Variants in NRG1 observed in about 807,000 individuals in gnomAD.
NRG1 encodes the protein pro-neuregulin-1, membrane-bound isoform.
Under a neutral mutation model 63.8 loss-of-function variants are expected in NRG1, and 18 were observed. The ratio of observed to expected loss-of-function variants is 0.28; its 90% CI spans 0.19 to 0.42. The LOEUF (loss-of-function observed/expected upper bound fraction) is 0.42, where lower values mean the gene tolerates loss of function less well. Among genes scored for constraint, NRG1 ranks in the 10% least tolerant of loss-of-function variants. NRG1 has a pLI of 1.00. For synonymous variants in NRG1, 302 were observed against 301.3 expected, an observed-to-expected ratio of 1.00 and a Z score of -0.02; for missense variants, 762 against 814.7, an observed-to-expected ratio of 0.94 and a Z score of 0.79.
At chr8:31,969,061 G>A (rs563616783) in intron 1 of NRG1, among the ~76,000 whole-genome samples, 7 of 152,186 alleles carry the variant, frequency 4.6e-5, no homozygotes, top group Non-Finnish European at 8.8e-5. Flanking sequence ...CCAGTGAGTT[G>A]ATTGCAGCCC....
intron 1 of NRG1, among the ~76,000 whole-genome samples, chr8:32,307,586 GGTTTGTGTGTGTGTGT>G (rs1346194654): frequency 9.2e-5 from 10 of 108,986 alleles, no homozygotes; most frequent in South Asian, 8.4e-4. Context: ...GTCACCCAGG[GGTTTGTGTGTGTGTGT>G]GTGTGTGTGT....
intron 1 of NRG1, among the ~76,000 whole-genome samples, chr8:31,799,431 C>T (rs1821537129): frequency 6.6e-6 from 1 of 151,920 alleles, no homozygotes; most frequent in Non-Finnish European, 1.5e-5. Context: ...AATAAATTCT[C>T]ATAATGAAAA....
intron 1 of NRG1, among the ~76,000 whole-genome samples, chr8:31,932,869 C>T (rs931392356): frequency 6.6e-5 from 10 of 152,036 alleles, no homozygotes; most frequent in Admixed American, 1.3e-4. Flanking sequence ...CATATAATTC[C>T]GAATCACTTG....
intron 1 of NRG1, among the ~76,000 whole-genome samples, chr8:32,384,780 C>T (rs1483897379): frequency 6.6e-6 from 1 of 152,152 alleles, no homozygotes. Flanking sequence ...GTTTTGCCTA[C>T]GTGTAAATCT....
chr8:32,139,120 T>C (rs1281424810), intron 1 of NRG1: 1 of 152,224 alleles, frequency 6.6e-6, no homozygotes, highest in Non-Finnish European at 1.5e-5. Flanking sequence ...AGTACCCAGA[T>C]ACATGCAGAG....
intron 1 of NRG1, among the ~76,000 whole-genome samples, chr8:31,850,781 T>C (rs1827133767): frequency 6.6e-6 from 1 of 152,226 alleles, no homozygotes; most frequent in South Asian, 2.1e-4. Context: ...AAAGTGAGTC[T>C]GCACTCTCTC....
chr8:32,130,107 A>G (rs1834613504), intron 1 of NRG1, among the ~76,000 whole-genome samples: 1 of 151,908 alleles, frequency 6.6e-6, no homozygotes, highest in African/African-American at 2.4e-5. Flanking sequence ...CAGATTTCCA[A>G]ATTAAGGAGA....
At chr8:32,436,008 A>C (rs1410360642) in intron 1 of NRG1, among the ~76,000 whole-genome samples, 1 of 152,178 alleles carries the variant, frequency 6.6e-6, no homozygotes, top group Non-Finnish European at 1.5e-5. Context: ...AACCTTATAC[A>C]TTCACCAGGA....
intron 1 of NRG1, among the ~76,000 whole-genome samples, chr8:31,732,232 A>G (rs941646310): frequency 5.3e-5 from 8 of 152,250 alleles, no homozygotes; most frequent in South Asian, 4.2e-4. Flanking sequence ...CGATTAGACA[A>G]TGCTTTGCCT....
chr8:32,530,353 C>T (rs1486338690), intron 1 of NRG1, among the ~76,000 whole-genome samples: 2 of 152,024 alleles, frequency 1.3e-5, no homozygotes, highest in East Asian at 1.9e-4. Context: ...GTGATCCGCC[C>T]GCCTCGGCCT....
In NRG1 at chr8:31,986,063, C is replaced by T. The variant is rs546653158; in HGVS notation, c.37+346632C>T. On this transcript the variant is annotated intron_variant, in intron 1 of 10. Coordinates refer to the NRG1 transcript ENST00000519301. The stretch of plus-strand genomic sequence containing the variant: ...CGAATCATTTGCTGTCTTGGTTTCA[C>T]TTCTATGAAATATTCTAGAGCAAAT... 3.9e-5 allele frequency among the ~76,000 whole-genome samples: 6 copies of T among 152,144 alleles called. No individual in the cohort carries two copies. The South Asian group carries it at 1.2e-3, about 31-fold the overall frequency.
At chr8:31,845,124 A>C (rs1485756132) in intron 1 of NRG1, among the ~76,000 whole-genome samples, 1 of 151,678 alleles carries the variant, frequency 6.6e-6, no homozygotes, top group Non-Finnish European at 1.5e-5. Context: ...TAAATAAATA[A>C]ATAAATAAAT....
chr8:32,045,467 T>C (rs566476489), intron 1 of NRG1, among the ~76,000 whole-genome samples: 54 of 152,066 alleles, frequency 3.6e-4, no homozygotes, highest in African/African-American at 1.3e-3. Flanking sequence ...TTTGTAGATA[T>C]AGACAAGCTA....
intron 1 of NRG1, among the ~76,000 whole-genome samples, chr8:31,728,641 C>A (rs1202052555): frequency 1.3e-5 from 2 of 152,134 alleles, no homozygotes; most frequent in Non-Finnish European, 2.9e-5. Flanking sequence ...CAATTCACTG[C>A]TGCATGCTAA....
rs551647405 is a variant in NRG1 at position 31,970,573 on chromosome 8, C to T, written c.37+331142C>T. Among the ~76,000 whole-genome samples, 18 of 152,190 alleles carry T rather than the reference C, an allele frequency of 1.2e-4. No homozygotes were observed. The South Asian group carries it at 3.7e-3, about 32-fold the overall frequency. On this transcript the variant is annotated intron_variant, in intron 1 of 10. Coordinates refer to the NRG1 transcript ENST00000519301. ...GCAAAAGTCACATGAGCTTACAGCA[C>T]CCTGTGCAGTCAAACTCTCAACTTC...
chr8:32,255,623 C>G (rs373750004), intron 1 of NRG1, among the ~76,000 whole-genome samples: 4 of 152,222 alleles, frequency 2.6e-5, no homozygotes, highest in African/African-American at 9.6e-5. Context: ...TGACCTTTCT[C>G]TCTGGCTGCC....
intron 1 of NRG1, among the ~76,000 whole-genome samples, chr8:31,770,796 T>TATAC (rs1554526909): frequency 2.8e-5 from 4 of 144,552 alleles, no homozygotes; most frequent in Admixed American, 1.4e-4. Flanking sequence ...TATATATATA[T>TATAC]ACATATATAA....
chr8:32,208,814 A>T (rs1336497378), intron 1 of NRG1, among the ~76,000 whole-genome samples: 1 of 152,202 alleles, frequency 6.6e-6, no homozygotes, highest in East Asian at 1.9e-4. Flanking sequence ...GAAATTTTTA[A>T]TGTACTATGA....
At chr8:32,629,558 G>T (rs1249606560) in intron 5 of NRG1, among the ~76,000 whole-genome samples, 1 of 152,160 alleles carries the variant, frequency 6.6e-6, no homozygotes, top group African/African-American at 2.4e-5. Flanking sequence ...CATGGGCACA[G>T]ATATTTAAGT....
Sources: allele counts gnomAD v4.1 joint callset (sites outside exome capture counted in the v4.1 genomes callset), GRCh38; gene constraint gnomAD v4.1.1; transcripts MANE v1.5; gene names NCBI Gene and HGNC (gene_info 2026-07-23, HGNC 2026-07-21).